The following TP53AIP1 variants were observed in gnomAD, a reference collection of about 807,000 sequenced individuals.
TP53AIP1 encodes p53-regulated apoptosis-inducing protein 1.
A neutral mutation model predicts 9.5 loss-of-function variants in TP53AIP1; 14 were observed. That is an observed-to-expected ratio of 1.47 (90% CI 0.97 to 2.30). TP53AIP1 has a LOEUF of 2.30. Ranked by LOEUF, TP53AIP1 falls within the 30% of genes most tolerant of loss-of-function variation. The pLI is 0.00. For synonymous variants in TP53AIP1, 73 were observed against 61.2 expected (o/e 1.19, Z -0.90); for missense variants, 153 against 146.7 (o/e 1.04, Z -0.22).
At chr11:128,936,465 AT>A in intron 3 of TP53AIP1, 72 bp downstream of exon 3, 1 of 1,468,338 alleles carries the variant, frequency 6.8e-7, no homozygotes, top group South Asian at 1.4e-5. Context: ...ACCTGGATTT[AT>A]CGAGAGGACA....
At chr11:128,934,886 C>A, downstream of TP53AIP1, 2 of 665,836 alleles carry the variant, frequency 3.0e-6, no homozygotes, top group South Asian at 3.2e-5. Context: ...TCGGAAGTGT[C>A]ATGTAGACTA....
intron 2 of TP53AIP1, 198 bp from the exon 3 acceptor site, chr11:128,936,847 G>A: frequency 7.1e-7 from 1 of 1,408,554 alleles, no homozygotes; most frequent in Admixed American, 3.1e-5. Context: ...AAGGTCAGTG[G>A]TGCAAAGGAC....
chr11:128,937,780 T>C lies in TP53AIP1; in HGVS notation c.39A>G (p.Gln13=), dbSNP rs1170859904. The change falls in exon 2 of 4, where the codon CAA becomes CAG. Residue 13 remains glutamine (Q), a synonymous_variant. Coordinates refer to ENST00000531399, the MANE Select transcript of TP53AIP1 (RefSeq NM_022112.3). The surrounding 1 kb of genome is among the most constrained non-coding windows in gnomAD (Gnocchi z 4.8). ...SSSEASFRSA[Q]ASCSGARRQG... is the part of the protein sequence containing the mutation. ...GCCTCCTGGCCCCACTGCAGGAAGC[T>C]TGAGCAGATCTGAAGCTCGCCTCAG... The C allele has an allele frequency of 2.7e-5, 44 of 1,613,636 alleles. No individual in the cohort carries two copies. The highest frequency in any genetic ancestry group is 3.6e-5 in the Non-Finnish European group (42 of 1,179,942).
At chr11:128,936,283 G>T in intron 3 of TP53AIP1, 1 of 1,220,932 alleles carries the variant, frequency 8.2e-7, no homozygotes, top group Non-Finnish European at 1.0e-6. Flanking sequence ...AAGTTCAGTG[G>T]GTGTCAATTA....
At chr11:128,934,845 G>C (rs1367271431), downstream of TP53AIP1, 1 of 600,144 alleles carries the variant, frequency 1.7e-6, no homozygotes, top group Non-Finnish European at 3.0e-6. Flanking sequence ...CATCCAATGT[G>C]GGCGATTGAG....
Position 128,937,244 on chromosome 11 carries a change from A to G in TP53AIP1, c.141+434T>C, listed in dbSNP as rs1425597640. ...CTGGTGCTCCGAGGCCCATCTGGACAAAAGCAGGATCCGGGGTGGACGCAG... is the reference window on the plus strand; with the variant it reads ...CTGGTGCTCCGAGGCCCATCTGGACGAAAGCAGGATCCGGGGTGGACGCAG... On this transcript the variant is annotated intron_variant, in intron 2 of 3. Coordinates refer to ENST00000531399, the MANE Select transcript of TP53AIP1 (RefSeq NM_022112.3). This position sits in a 1 kb window ranked among gnomAD's most constrained non-coding sequence, Gnocchi z 4.8. The G allele has an allele frequency of 1.4e-5, 18 of 1,270,770 alleles. 1 individual carries two copies. The South Asian group carries it at 3.0e-4, about 21-fold the overall frequency. The allele number at this position is 1,270,770 out of a possible 1,614,324, so 78.7% of individuals were successfully genotyped here.
At chr11:128,938,742 C>T (rs944449326) in intron 1 of TP53AIP1, among the ~76,000 whole-genome samples, 3 of 152,202 alleles carry the variant, frequency 2.0e-5, no homozygotes, top group Non-Finnish European at 4.4e-5. Context: ...TATCCATGAC[C>T]TCCAGGGGCA....
Position 128,937,846 on chromosome 11 carries a change from A to C in TP53AIP1, c.-28T>G. On this transcript the variant is annotated 5_prime_UTR_variant, in exon 2 of 4. Transcript: ENST00000531399. This position sits in a 1 kb window ranked among gnomAD's most constrained non-coding sequence, Gnocchi z 4.8. ...AGGGGAGGCCCTGTCTGCAGAAAGC[A>C]GAGAACTTGGCTTCTCCTCATTTGT... 2.5e-6 allele frequency: 4 copies of C among 1,581,842 alleles called. No homozygotes were observed. The highest frequency in any genetic ancestry group is 3.4e-6 in the Non-Finnish European group (4 of 1,165,076).
intron 1 of TP53AIP1, among the ~76,000 whole-genome samples, chr11:128,942,121 C>A (rs80081677): frequency 1.4e-4 from 22 of 152,282 alleles, no homozygotes; most frequent in African/African-American, 5.3e-4. Flanking sequence ...AAGGAACTAA[C>A]AAATAAACCT....
At chr11:128,936,512 G>A in intron 3 of TP53AIP1, 26 bp downstream of exon 3, 1 of 1,540,186 alleles carries the variant, frequency 6.5e-7, no homozygotes, top group Non-Finnish European at 8.7e-7. Context: ...CCACACCCAT[G>A]AATTCACTAA....
chr11:128,937,364 G>A lies in TP53AIP1; in HGVS notation c.141+314C>T, dbSNP rs951273797. ...CCTCTCCATTTAGCTCTCACTTTCT[G>A]GATGCAGCCAGGCACCACCTTCCTT... is the stretch of plus-strand genomic sequence containing the variant. On this transcript the variant is annotated intron_variant, in intron 2 of 3. Transcript: ENST00000531399. The surrounding 1 kb of genome is among the most constrained non-coding windows in gnomAD (Gnocchi z 4.8). The A allele has an allele frequency of 4.9e-6, 7 of 1,423,330 alleles. No individual in the cohort carries two copies. In the African/African-American group the frequency reaches 1.0e-4, roughly 21 times the overall value. 88.2% of individuals were successfully genotyped at this position (1,423,330 alleles called of 1,614,324 possible).
Position 128,942,855 on chromosome 11 carries a change from T to A in TP53AIP1, c.-138A>T, listed in dbSNP as rs1314898048. 1 of 152,348 alleles carries A rather than the reference T, an allele frequency of 6.6e-6. No individual in the cohort carries two copies. The highest frequency in any genetic ancestry group is 1.5e-5 in the Non-Finnish European group (1 of 68,144). The allele number at this position is 152,348 out of a possible 1,614,324, so 9.4% of individuals were successfully genotyped here. A position where few individuals can be genotyped will look rare whatever the true frequency, so the allele number is the denominator to read the frequency against. ...CTCCTCCTGCACATCTGTGCTGCTGTGACTGGGTGCAGGTCTGAGCAGAGG... is the reference window on the plus strand; with the variant it reads ...CTCCTCCTGCACATCTGTGCTGCTGAGACTGGGTGCAGGTCTGAGCAGAGG... On this transcript the variant is annotated 5_prime_UTR_variant, in exon 1 of 4. Coordinates refer to ENST00000531399, the MANE Select transcript of TP53AIP1 (RefSeq NM_022112.3).
rs775265919 is a variant in TP53AIP1, at chr11:128,935,670, G to A, written c.296C>T (p.Thr99Ile). The change falls in exon 4 of 4, where the codon ACA (threonine) becomes ATA (isoleucine). Residue 99 changes from threonine (T) to isoleucine (I), a missense_variant. Physicochemically the swap from Thr to Ile is moderately conservative, Grantham distance 89. Coordinates refer to ENST00000531399, the MANE Select transcript of TP53AIP1 (RefSeq NM_022112.3). Reference protein sequence around the residue: ...GLSRPFLPGATVLRDRPLGSA... With the variant: ...GLSRPFLPGAIVLRDRPLGSA... ...CCCCAGTGGCCTGTCTCTAAGCACTGTGGCTCCAGGAAGGAAAGGCCTGGA... is the reference window on the plus strand; with the variant it reads ...CCCCAGTGGCCTGTCTCTAAGCACTATGGCTCCAGGAAGGAAAGGCCTGGA... 6.3e-7 allele frequency: 1 copy of A among 1,587,066 alleles called. No homozygotes were observed. Among genetic ancestry groups the A allele is most frequent in the South Asian group, 1.1e-5 (1 of 88,368 alleles).
rs1944827196 is a variant in TP53AIP1, at chr11:128,936,547, T to C, written c.244A>G (p.Ile82Val). The stretch of plus-strand genomic sequence containing the variant: ...AGTAATTATCACACACCTGTCAGGA[T>C]CCAGACAGTTGCTGAGGACCAAGAT... ...SGSWSSATVW[I>V]LTGLGLGLSR... Residue 82 changes from isoleucine to valine, a missense_variant, in exon 3 of 4, where the codon ATC (isoleucine) becomes GTC (valine). Transcript: ENST00000531399. 6.4e-7 allele frequency: 1 copy of C among 1,573,690 alleles called. No homozygotes were observed. The highest frequency in any genetic ancestry group is 8.6e-7 in the Non-Finnish European group (1 of 1,167,772).
Position 128,935,728 on chromosome 11 carries a change from G to GAGA in TP53AIP1, c.254-19_254-17dup. On this transcript the variant is annotated splice_polypyrimidine_tract_variant and intron_variant, in intron 3 of 3. Transcript: ENST00000531399. ...AGACCAAGGCCTCAGTAGGGAGGGAGAGAATTTACTCTTTGCAAAACGTAT... is the reference window on the plus strand; with the variant it reads ...AGACCAAGGCCTCAGTAGGGAGGGAGAGAAGAATTTACTCTTTGCAAAACGTAT... The GAGA allele has an allele frequency of 6.5e-7, 1 of 1,546,480 alleles. No individual in the cohort carries two copies. Among genetic ancestry groups the GAGA allele is most frequent in the Non-Finnish European group, 8.7e-7 (1 of 1,154,330 alleles).
At chr11:128,938,177 C>T (rs185711859) in intron 1 of TP53AIP1, among the ~76,000 whole-genome samples, 3 of 152,342 alleles carry the variant, frequency 2.0e-5, no homozygotes, top group Admixed American at 2.0e-4. Flanking sequence ...TAGGCATTAA[C>T]TAGACTTTCG....
downstream of TP53AIP1, chr11:128,935,144 G>C (rs562248995): frequency 1.3e-6 from 1 of 783,138 alleles, no homozygotes; most frequent in Non-Finnish European, 2.2e-6. Flanking sequence ...GACACCCAGC[G>C]GGGGCCCGGG....
chr11:128,941,490 C>A (rs980890729), intron 1 of TP53AIP1, among the ~76,000 whole-genome samples: 1 of 152,226 alleles, frequency 6.6e-6, no homozygotes, highest in East Asian at 1.9e-4. Flanking sequence ...GTTGCCTCAG[C>A]CCCCAACGCA....
In TP53AIP1 at chr11:128,937,515, C is replaced by T. The variant is rs1944851012; in HGVS notation, c.141+163G>A. ...TGTCAGTTCCCAGCTCTGTCCAATGCTCTGAACTGGGGACAGTCCGCATGC... is the reference window on the plus strand; with the variant it reads ...TGTCAGTTCCCAGCTCTGTCCAATGTTCTGAACTGGGGACAGTCCGCATGC... On this transcript the variant is annotated intron_variant, in intron 2 of 3. Transcript: ENST00000531399. This position sits in a 1 kb window ranked among gnomAD's most constrained non-coding sequence, Gnocchi z 4.8. 1 of 1,607,058 alleles carries T rather than the reference C, an allele frequency of 6.2e-7. No individual in the cohort carries two copies. Among genetic ancestry groups the T allele is most frequent in the Non-Finnish European group, 8.5e-7 (1 of 1,175,766 alleles).
Sources: allele counts gnomAD v4.1 joint callset (sites outside exome capture counted in the v4.1 genomes callset), GRCh38; gene constraint gnomAD v4.1.1; non-coding constraint Gnocchi (gnomAD v3.1); transcripts MANE v1.5; gene names NCBI Gene and HGNC (gene_info 2026-07-23, HGNC 2026-07-21).